NOTCH2: variants seen among roughly 807,000 people sequenced by gnomAD.
NOTCH2 encodes the protein notch receptor 2.
A neutral mutation model predicts 235.8 loss-of-function variants in NOTCH2; 29 were observed. The observed-to-expected ratio is 0.12, with a 90% CI of 0.09 to 0.17. The LOEUF (loss-of-function observed/expected upper bound fraction) is 0.17, where lower values mean the gene tolerates loss of function less well. Among genes scored for constraint, NOTCH2 ranks in the 10% least tolerant of loss-of-function variants. The pLI is 1.00. For synonymous variants in NOTCH2, 1,086 were observed against 1,141.5 expected (o/e 0.95, Z 0.98); for missense variants, 2,285 against 3,150.2 (o/e 0.73, Z 6.57).
chr1:119,950,435 T>TA, intron 15 of NOTCH2: 1 of 561,808 alleles, frequency 1.8e-6, no homozygotes, highest in South Asian at 1.5e-5. Context: ...ATTCAAATGA[T>TA]AGACAACCAT....
intron 2 of NOTCH2, among the ~76,000 whole-genome samples, chr1:120,015,010 A>T (rs4020917): frequency 5.0e-5 from 6 of 120,924 alleles, no homozygotes; most frequent in Non-Finnish European, 9.6e-5. Context: ...TTTTTTTTTT[A>T]AAAACGAGGA....
rs377739215 is a variant in NOTCH2, at chr1:120,007,708, G to C, written c.156-2120C>G. 6.3e-4 allele frequency among the ~76,000 whole-genome samples: 96 copies of C among 151,992 alleles called. 1 individual carries two copies. The South Asian group carries it at 0.02, about 31-fold the overall frequency. The stretch of plus-strand genomic sequence containing the variant: ...ATTCCATCTCAAAAAAAAAAGTTTT[G>C]CCAAGTGAAAACATCTTTTCTGTCT... On this transcript the variant is annotated intron_variant, in intron 2 of 33. Transcript: ENST00000256646.
At chr1:119,938,140 A>G in intron 19 of NOTCH2, 130 bp from the exon 20 acceptor site, 2 of 982,290 alleles carry the variant, frequency 2.0e-6, no homozygotes, top group Non-Finnish European at 3.1e-6. Flanking sequence ...TTCATCTAGT[A>G]AAAGAGCCCT....
At chr1:120,040,843 C>T (rs2101366726) in intron 1 of NOTCH2, among the ~76,000 whole-genome samples, 1 of 150,056 alleles carries the variant, frequency 6.7e-6, no homozygotes, top group African/African-American at 2.5e-5. Context: ...CGAGACCATC[C>T]TGGCTAACAC....
intron 2 of NOTCH2, among the ~76,000 whole-genome samples, chr1:120,015,896 G>A: frequency 8.3e-6 from 1 of 120,144 alleles, no homozygotes; most frequent in Admixed American, 8.9e-5. Context: ...AAAAAGAGAA[G>A]AAGCTCTGTC....
At chr1:120,063,736 T>G (rs1276135473) in intron 1 of NOTCH2, among the ~76,000 whole-genome samples, 1 of 152,148 alleles carries the variant, frequency 6.6e-6, no homozygotes, top group Non-Finnish European at 1.5e-5. Flanking sequence ...TCTGCAGTGA[T>G]TCTAAAACTT....
intron 1 of NOTCH2, among the ~76,000 whole-genome samples, chr1:120,039,062 T>G (rs1654436436): frequency 6.6e-6 from 1 of 151,988 alleles, no homozygotes; most frequent in Non-Finnish European, 1.5e-5. Context: ...ATGAGTAGGT[T>G]CACTAATACA....
At chr1:119,962,653 G>C (rs189630446) in intron 11 of NOTCH2, among the ~76,000 whole-genome samples, 49 of 152,206 alleles carry the variant, frequency 3.2e-4, no homozygotes, top group Admixed American at 2.9e-3. Flanking sequence ...CTCCACCTCT[G>C]CTCTCTACAT....
intron 1 of NOTCH2, among the ~76,000 whole-genome samples, chr1:120,043,068 G>A (rs1654643478): frequency 6.6e-6 from 1 of 151,606 alleles, no homozygotes; most frequent in Non-Finnish European, 1.5e-5. Flanking sequence ...ACCTGAAGAT[G>A]AAGCTAATAG....
At chr1:119,974,705 G>C (rs1416935942) in intron 5 of NOTCH2, among the ~76,000 whole-genome samples, 1 of 152,038 alleles carries the variant, frequency 6.6e-6, no homozygotes, top group Admixed American at 6.6e-5. Flanking sequence ...TTTTTTCCCT[G>C]CTTATTCACA....
rs587722810 is a variant in NOTCH2, at chr1:119,970,173, G to A, written c.875-429C>T. On this transcript the variant is annotated intron_variant, in intron 5 of 33. Transcript: ENST00000256646. Reference sequence around the variant, plus strand: ...TGTTCTATATCTTGACTGTATCAACGTCAATACACTGGTTGTAATATTATG... The same window carrying A: ...TGTTCTATATCTTGACTGTATCAACATCAATACACTGGTTGTAATATTATG... Among the ~76,000 whole-genome samples the A allele has an allele frequency of 3.9e-5, 6 of 152,190 alleles. No individual in the cohort carries two copies. The East Asian group carries it at 9.6e-4, about 24-fold the overall frequency.
chr1:120,069,249 C>G (rs1553217837), intron 1 of NOTCH2, 85 bp downstream of exon 1: 1 of 1,527,348 alleles, frequency 6.5e-7, no homozygotes, highest in Non-Finnish European at 8.7e-7. Context: ...GGCCTTCCCA[C>G]ACAGAGAAGG....
In NOTCH2 at chr1:119,922,269, C is replaced by T. The variant is rs745954022; in HGVS notation, c.5180G>A (p.Arg1727His). 9.9e-6 allele frequency: 16 copies of T among 1,613,980 alleles called. No individual in the cohort carries two copies. Among genetic ancestry groups the T allele is most frequent in the Non-Finnish European group, 1.3e-5 (15 of 1,179,990 alleles). Residue 1727 changes from arginine (R) to histidine (H), a missense_variant, in exon 28 of 34, where the codon CGT becomes CAT. Arg to His is a conservative substitution (Grantham distance 29, BLOSUM62 0). Around this residue, in one of 6 missense-constraint regions of NOTCH2, gnomAD observed 1,173 missense variants for 1,515.3 expected, o/e 0.77. Coordinates refer to ENST00000256646, the MANE Select transcript of NOTCH2 (RefSeq NM_024408.4). ...LRRDASNHKR[R>H]EPVGQDAVGL... ...CACAGCATCCTGTCCCACTGGCTCA[C>T]GACGCTTGTGATTGCTTGCATCTCG... is the stretch of plus-strand genomic sequence containing the variant.
intron 1 of NOTCH2, among the ~76,000 whole-genome samples, chr1:120,063,250 C>T (rs74115528): frequency 1.4e-3 from 211 of 152,232 alleles, no homozygotes; most frequent in African/African-American, 4.9e-3. Flanking sequence ...CCCAGAAACC[C>T]CAAAAGCAGG....
At chr1:119,958,685 G>C (rs1650804990) in intron 12 of NOTCH2, among the ~76,000 whole-genome samples, 1 of 151,216 alleles carries the variant, frequency 6.6e-6, no homozygotes, top group Admixed American at 6.6e-5. Context: ...AAAAGATAAA[G>C]GTAATATTGA....
At chr1:119,954,839 T>C (rs1323662458) in intron 13 of NOTCH2, among the ~76,000 whole-genome samples, 1 of 152,176 alleles carries the variant, frequency 6.6e-6, no homozygotes, top group East Asian at 1.9e-4. Context: ...TTATGTTCCA[T>C]CTAGGTCCTC....
At chr1:119,969,262 T>C (rs983098938) in intron 6 of NOTCH2, among the ~76,000 whole-genome samples, 2 of 152,250 alleles carry the variant, frequency 1.3e-5, no homozygotes, top group Non-Finnish European at 2.9e-5. Flanking sequence ...AAGACAATAG[T>C]TACTAACTTT....
At position 119,920,308 on chromosome 1, in the gene NOTCH2, A is replaced by G; in HGVS notation, c.5400T>C (p.Arg1800=). 6.2e-7 allele frequency: 1 copy of G among 1,614,144 alleles called. No individual in the cohort carries two copies. The highest frequency in any genetic ancestry group is 8.5e-7 in the Non-Finnish European group (1 of 1,180,010). The change falls in exon 30 of 34, where the codon CGT becomes CGC. Residue 1800 remains arginine (R), a synonymous_variant. Transcript: ENST00000256646. ...GGGTGAGAGCCAGCGATGGTGTCCTACGGATGTCTGCAGCTTCAAGGTGCT... is the reference window on the plus strand; with the variant it reads ...GGGTGAGAGCCAGCGATGGTGTCCTGCGGATGTCTGCAGCTTCAAGGTGCT... ...TQQHLEAADI[R]RTPSLALTPP... is the part of the protein sequence containing the mutation.
At chr1:119,952,655 T>C (rs1201330878) in intron 14 of NOTCH2, among the ~76,000 whole-genome samples, 1 of 152,192 alleles carries the variant, frequency 6.6e-6, no homozygotes, top group Non-Finnish European at 1.5e-5. Flanking sequence ...GGGGAGTGGC[T>C]ATAAATACAG....
Sources: gnomAD v4.1 joint callset for allele counts (sites outside exome capture counted in the v4.1 genomes callset) on GRCh38, gnomAD v4.1.1 for gene constraint, gnomAD v4.1.1 regional missense constraint, MANE v1.5 for transcripts, NCBI Gene and HGNC (gene_info 2026-07-23, HGNC 2026-07-21) for gene names.